C17orf114: variants seen among roughly 807,000 people sequenced by gnomAD.
The protein encoded by C17orf114 is chromosome 17 open reading frame 114.
upstream of C17orf114, among the ~76,000 whole-genome samples, chr17:4,803,585 C>A (rs187549355): frequency 6.2e-3 from 946 of 151,526 alleles, 5 homozygotes; most frequent in Middle Eastern, 0.055. Flanking sequence ...CCACCACACC[C>A]GGCTAATTTT....
upstream of C17orf114, among the ~76,000 whole-genome samples, chr17:4,806,072 C>T (rs916779660): frequency 5.9e-5 from 9 of 152,194 alleles, no homozygotes; most frequent in Admixed American, 1.3e-4. Context: ...GGCCAATCAG[C>T]ACATGAAACA....
upstream of C17orf114, among the ~76,000 whole-genome samples, chr17:4,804,107 C>A (rs960372666): frequency 2.0e-5 from 3 of 152,178 alleles, no homozygotes; most frequent in Admixed American, 2.0e-4. Context: ...TTTGGGGTGG[C>A]CAGAGCCAAG....
chr17:4,803,194 C>A (rs1905553968), upstream of C17orf114, among the ~76,000 whole-genome samples: 1 of 152,000 alleles, frequency 6.6e-6, no homozygotes, highest in African/African-American at 2.4e-5. Flanking sequence ...GCTGGGATTA[C>A]AGGTGTGAGC....
At chr17:4,802,930 T>G (rs1905547080), upstream of C17orf114, among the ~76,000 whole-genome samples, 2 of 152,120 alleles carry the variant, frequency 1.3e-5, no homozygotes, top group African/African-American at 4.8e-5. Context: ...AAGATCTTTT[T>G]TTTGGGGGAC....
upstream of C17orf114, among the ~76,000 whole-genome samples, chr17:4,803,661 C>T (rs1199525026): frequency 6.6e-6 from 1 of 151,232 alleles, no homozygotes; most frequent in Non-Finnish European, 1.5e-5. Flanking sequence ...CTCCTGAGCT[C>T]GTGATCCGGC....
chr17:4,804,143 C>T (rs1251020696), upstream of C17orf114, among the ~76,000 whole-genome samples: 1 of 152,142 alleles, frequency 6.6e-6, no homozygotes, highest in Non-Finnish European at 1.5e-5. Flanking sequence ...TCAAGAGCAT[C>T]CTAGCCAAGG....
At chr17:4,802,884 C>T (rs1011658861), upstream of C17orf114, among the ~76,000 whole-genome samples, 2 of 152,110 alleles carry the variant, frequency 1.3e-5, no homozygotes, top group African/African-American at 4.8e-5. Context: ...ATGCTAGAGA[C>T]TTTTACATGT....
upstream of C17orf114, chr17:4,806,775 C>A (rs972112864): frequency 6.6e-6 from 1 of 151,248 alleles, no homozygotes; most frequent in Admixed American, 6.6e-5. Flanking sequence ...GGAGGCGCGT[C>A]CCCCGGGCGC....
chr17:4,802,392 C>T (rs1275320127), upstream of C17orf114: 1 of 398,634 alleles, frequency 2.5e-6, no homozygotes, highest in Non-Finnish European at 4.4e-6. Context: ...TTTCCAAGCC[C>T]CCCCACCATG....
upstream of C17orf114, among the ~76,000 whole-genome samples, chr17:4,803,779 T>A (rs1350396492): frequency 1.3e-5 from 2 of 151,408 alleles, no homozygotes; most frequent in East Asian, 3.9e-4. Flanking sequence ...TGGATTACAG[T>A]GGTGCAATCT....
At chr17:4,802,514 A>G (rs1905539572), upstream of C17orf114, among the ~76,000 whole-genome samples, 1 of 152,166 alleles carries the variant, frequency 6.6e-6, no homozygotes, top group South Asian at 2.1e-4. Context: ...TCAGACACCT[A>G]TTTTTATGCC....
chr17:4,802,097 C>T, intron 1 of C17orf114, 150 bp downstream of exon 1: 1 of 393,992 alleles, frequency 2.5e-6, no homozygotes, highest in East Asian at 3.6e-5. Context: ...AAGTATTTAG[C>T]CTGTCCTGTG....
chr17:4,805,896 T>C (rs1249434638), upstream of C17orf114, among the ~76,000 whole-genome samples: 39 of 151,632 alleles, frequency 2.6e-4, no homozygotes, highest in Non-Finnish European at 2.9e-5. Flanking sequence ...GAGCTTGCAG[T>C]GAGCCGAGAT....
chr17:4,806,505 CT>C (rs1451385696), upstream of C17orf114, among the ~76,000 whole-genome samples: 2 of 152,214 alleles, frequency 1.3e-5, no homozygotes, highest in Non-Finnish European at 2.9e-5. Flanking sequence ...TCCCCCTAGA[CT>C]GCCAATTCCA....
chr17:4,804,759 G>A (rs941475275), upstream of C17orf114, among the ~76,000 whole-genome samples: 1 of 150,462 alleles, frequency 6.6e-6, no homozygotes, highest in African/African-American at 2.4e-5. Context: ...CTAATTTTTT[G>A]TATTTTTAGT....
chr17:4,802,831 T>C (rs1905545274), upstream of C17orf114, among the ~76,000 whole-genome samples: 1 of 152,276 alleles, frequency 6.6e-6, no homozygotes, highest in East Asian at 1.9e-4. Context: ...TGTCCCCTGT[T>C]ATGAAGATGA....
chr17:4,806,221 C>T (rs1221015517), upstream of C17orf114, among the ~76,000 whole-genome samples: 1 of 152,144 alleles, frequency 6.6e-6, no homozygotes, highest in African/African-American at 2.4e-5. Context: ...CCACCATACA[C>T]TGATTTTGGA....
chr17:4,801,421 T>C (rs1489090359), exon 2 of C17orf114: 25 of 398,656 alleles, frequency 6.3e-5, no homozygotes, highest in East Asian at 3.9e-4. Flanking sequence ...GGGCTATAGC[T>C]GGACTGGGAT....
chr17:4,806,100 C>A (rs578208211), upstream of C17orf114, among the ~76,000 whole-genome samples: 8 of 152,206 alleles, frequency 5.3e-5, no homozygotes, highest in Non-Finnish European at 1.2e-4. Flanking sequence ...TATCATTGAT[C>A]TCCAGACAAA....
Sources: allele counts gnomAD v4.1 joint callset (sites outside exome capture counted in the v4.1 genomes callset), GRCh38; gene constraint gnomAD v4.1.1; transcripts MANE v1.5; gene names NCBI Gene and HGNC (gene_info 2026-07-23, HGNC 2026-07-21).